Variants in PARS2 observed in about 807,000 individuals in gnomAD.
PARS2 encodes prolyl-tRNA synthetase 2, mitochondrial.
A neutral mutation model predicts 27.4 loss-of-function variants in PARS2; 20 were observed. The ratio of observed to expected loss-of-function variants is 0.73; its 90% CI spans 0.51 to 1.06. PARS2 has a LOEUF of 1.06. Among genes scored for constraint, PARS2 ranks in the 50% least tolerant of loss-of-function variants. The pLI, the probability that PARS2 is intolerant of heterozygous loss-of-function variation, is 0.00. For synonymous variants in PARS2, 240 were observed against 247.1 expected, an observed-to-expected ratio of 0.97 and a Z score of 0.27; for missense variants, 585 against 602.1, an observed-to-expected ratio of 0.97 and a Z score of 0.30.
At chr1:54,759,249 A>T in intron 1 of PARS2, 59 bp from the exon 2 acceptor site, 2 of 1,044,434 alleles carry the variant, frequency 1.9e-6, no homozygotes, top group Non-Finnish European at 2.7e-6. Context: ...ACCATGAAGC[A>T]GCCAACCCAG....
At chr1:54,762,616 C>T (rs542749723) in intron 1 of PARS2, among the ~76,000 whole-genome samples, 6 of 152,356 alleles carry the variant, frequency 3.9e-5, no homozygotes. Context: ...CCACCAATGA[C>T]TAATGTCTTA....
intron 1 of PARS2, among the ~76,000 whole-genome samples, chr1:54,762,939 G>A (rs1288093875): frequency 1.3e-5 from 2 of 152,132 alleles, no homozygotes; most frequent in Non-Finnish European, 2.9e-5. Flanking sequence ...TTAGTCTCCA[G>A]CTAAAAAGAT....
chr1:54,758,852 C>T lies in PARS2; in HGVS notation c.310G>A (p.Val104Met), dbSNP rs770467588. 6 of 1,614,240 alleles carry T rather than the reference C, an allele frequency of 3.7e-6. No individual in the cohort carries two copies. Among genetic ancestry groups the T allele is most frequent in the Non-Finnish European group, 5.1e-6 (6 of 1,180,046 alleles). ...TVRAMEKLVR[V>M]IDQEMQAIGG... ...ATGGCCTGCATCTCCTGGTCTATCA[C>T]TCGCACGAGCTTCTCCATGGCACGG... Residue 104 changes from valine to methionine, a missense_variant, in exon 2 of 2, where the codon GTG (valine) becomes ATG (methionine). By Grantham distance (21) the Val-to-Met change is conservative. Transcript: ENST00000371279.
intron 1 of PARS2, among the ~76,000 whole-genome samples, chr1:54,759,598 T>C (rs1646142575): frequency 6.6e-6 from 1 of 152,320 alleles, no homozygotes; most frequent in African/African-American, 2.4e-5. Context: ...AGGCTTATTG[T>C]GGACACTTAG....
chr1:54,761,780 A>G (rs903792831), intron 1 of PARS2, among the ~76,000 whole-genome samples: 49 of 152,264 alleles, frequency 3.2e-4, no homozygotes, highest in Admixed American at 2.4e-3. Flanking sequence ...AAGCAGCCTC[A>G]TTCATTTCCC....
intron 1 of PARS2, among the ~76,000 whole-genome samples, 177 bp from the exon 2 acceptor site, chr1:54,759,367 C>T (rs181259914): frequency 1.3e-5 from 2 of 152,302 alleles, no homozygotes; most frequent in East Asian, 1.9e-4. Flanking sequence ...CTCTTACTTC[C>T]GTTTTTGAAA....
In PARS2 at chr1:54,757,100, GTTACAGATCTAGTTCCAGACT is replaced by G. The variant is rs1646124005; in HGVS notation, c.*613_*633del. On this transcript the variant is annotated 3_prime_UTR_variant, in exon 2 of 2. Coordinates refer to ENST00000371279, the MANE Select transcript of PARS2 (RefSeq NM_152268.4). ...ACCCCCTAGTGACACCTATAAGGAC[GTTACAGATCTAGTTCCAGACT>G]TTACAGATCTAGTTCTATTTTCTCA... The G allele has an allele frequency of 6.6e-6, 1 of 152,188 alleles. No individual in the cohort carries two copies. The highest frequency in any genetic ancestry group is 1.5e-5 in the Non-Finnish European group (1 of 68,066). 9.4% of individuals were successfully genotyped at this position (152,188 alleles called of 1,614,324 possible).
In PARS2 at chr1:54,758,069, T is replaced by C. The variant is rs1356257236; in HGVS notation, c.1093A>G (p.Ser365Gly). ...LSTEDCVRWP[S>G]LLAPYQACLI... is the part of the protein sequence containing the mutation. Reference sequence around the variant, plus strand: ...CAGGCTTGGTAAGGGGCCAGTAGGCTGGGCCAGCGGACACAGTCTTCTGTA... The same window carrying C: ...CAGGCTTGGTAAGGGGCCAGTAGGCCGGGCCAGCGGACACAGTCTTCTGTA... Residue 365 changes from serine to glycine, a missense_variant, in exon 2 of 2, where the codon AGC becomes GGC. Physicochemically the swap from Ser to Gly is moderately conservative, Grantham distance 56. Transcript: ENST00000371279. 2 of 1,613,744 alleles carry C rather than the reference T, an allele frequency of 1.2e-6. No homozygotes were observed. Among genetic ancestry groups the C allele is most frequent in the Non-Finnish European group, 1.7e-6 (2 of 1,179,872 alleles).
rs1646117858 is a variant in PARS2, at chr1:54,757,048, G to C, written c.*686C>G. 6.6e-6 allele frequency: 1 copy of C among 152,138 alleles called. No individual in the cohort carries two copies. Among genetic ancestry groups the C allele is most frequent in the African/African-American group, 2.4e-5 (1 of 41,422 alleles). 9.4% of individuals were successfully genotyped at this position (152,138 alleles called of 1,614,324 possible). ...AGACTATGGAGAATGAGAGGAATCA[G>C]ACTGCCTGTCACACACCTCTCATGG... On this transcript the variant is annotated 3_prime_UTR_variant, in exon 2 of 2. Transcript: ENST00000371279.
At chr1:54,762,827 T>C (rs925006976) in intron 1 of PARS2, among the ~76,000 whole-genome samples, 1 of 152,102 alleles carries the variant, frequency 6.6e-6, no homozygotes, top group African/African-American at 2.4e-5. Context: ...GCTTCCCAAA[T>C]TGCTGGGATT....
intron 1 of PARS2, among the ~76,000 whole-genome samples, chr1:54,762,792 G>A (rs193111753): frequency 8.4e-4 from 128 of 152,224 alleles, no homozygotes; most frequent in Non-Finnish European, 1.5e-3. Context: ...TTGAACTCCT[G>A]GCCTCATGCG....
At chr1:54,763,976 G>A (rs1646171140) in intron 1 of PARS2, among the ~76,000 whole-genome samples, 2 of 152,202 alleles carry the variant, frequency 1.3e-5, no homozygotes, top group African/African-American at 4.8e-5. Flanking sequence ...TAAGCGCAGG[G>A]TCGGGCCTGG....
At position 54,758,985 on chromosome 1, in the gene PARS2, C is replaced by T. The variant is rs775981640; in HGVS notation, c.177G>A (p.Leu59=). The T allele has an allele frequency of 1.2e-6, 2 of 1,614,152 alleles. No individual in the cohort carries two copies. The highest frequency in any genetic ancestry group is 1.7e-6 in the Non-Finnish European group (2 of 1,180,006). The change falls in exon 2 of 2, where the codon CTG becomes CTA. Residue 59 remains leucine, a synonymous_variant. Coordinates refer to ENST00000371279, the MANE Select transcript of PARS2 (RefSeq NM_152268.4). The part of the protein sequence containing the change: ...QNLREDRVLS[L]QDKSDDLTCK... ...AGGTCAGGTCATCAGATTTGTCCTGCAGGGAGAGCACCCGGTCTTCCCGAA... is the reference window on the plus strand; with the variant it reads ...AGGTCAGGTCATCAGATTTGTCCTGTAGGGAGAGCACCCGGTCTTCCCGAA...
At chr1:54,762,325 G>C (rs1055476751) in intron 1 of PARS2, among the ~76,000 whole-genome samples, 2 of 152,152 alleles carry the variant, frequency 1.3e-5, no homozygotes, top group East Asian at 3.9e-4. Flanking sequence ...TTTTAGTACA[G>C]ACAGAGTTTC....
chr1:54,762,138 T>TG (rs1371279488), intron 1 of PARS2, among the ~76,000 whole-genome samples: 1 of 114,028 alleles, frequency 8.8e-6, no homozygotes, highest in Non-Finnish European at 1.9e-5. Flanking sequence ...GAGGGCTTGT[T>TG]TTTTTTTTTT....
Position 54,757,526 on chromosome 1 carries a change from C to A in PARS2, c.*208G>T. 1.9e-6 allele frequency: 1 copy of A among 526,570 alleles called. No homozygotes were observed. The highest frequency in any genetic ancestry group is 3.4e-6 in the Non-Finnish European group (1 of 298,138). The allele number at this position is 526,570 out of a possible 1,614,324, so 32.6% of individuals were successfully genotyped here. On this transcript the variant is annotated 3_prime_UTR_variant, in exon 2 of 2. Coordinates refer to ENST00000371279, the MANE Select transcript of PARS2 (RefSeq NM_152268.4). The stretch of plus-strand genomic sequence containing the variant: ...AAGGAAAGGTATATGGCGGCATGGC[C>A]AGTCTGGAGAAAGGGATCAAGTTAA...
rs1557763124 is a variant in PARS2 at position 54,759,095 on chromosome 1, CAG to C, written c.65_66del (p.Ser22TrpfsTer42). 1 of 1,613,250 alleles carries C rather than the reference CAG, an allele frequency of 6.2e-7. No homozygotes were observed. The highest frequency in any genetic ancestry group is 1.3e-5 in the African/African-American group (1 of 75,038). ...TGGTGAAACCTGCAAGGAACATACC[CAG>C]AGAGCTGGCGGCTGCAGGTGGCCAG... ...PALATCSRQL[S>X]GYVPCRFHHC... On this transcript the variant is annotated frameshift_variant, in exon 2 of 2. Transcript: ENST00000371279. LOFTEE classifies it high-confidence loss of function.
In PARS2 at chr1:54,758,558, G is replaced by C. The variant is rs141760650; in HGVS notation, c.604C>G (p.Arg202Gly). The change falls in exon 2 of 2, where the codon CGA (arginine) becomes GGA (glycine). Residue 202 changes from arginine (R) to glycine (G), a missense_variant. Coordinates refer to ENST00000371279, the MANE Select transcript of PARS2 (RefSeq NM_152268.4). ...PRPRFGLLRG[R>G]EFYMKDMYTF... ...TACATATCCTTCATGTAAAACTCTC[G>C]GCCACGGAGAAGACCAAAGCGGGGC... The C allele has an allele frequency of 4.3e-6, 7 of 1,614,170 alleles. No homozygotes were observed. Among genetic ancestry groups the C allele is most frequent in the Non-Finnish European group, 5.9e-6 (7 of 1,180,018 alleles).
chr1:54,760,590 T>C (rs1646150190), intron 1 of PARS2, among the ~76,000 whole-genome samples: 1 of 152,170 alleles, frequency 6.6e-6, no homozygotes, highest in African/African-American at 2.4e-5. Context: ...ATCCATTCTC[T>C]ATACTGCAGC....
Sources: allele counts gnomAD v4.1 joint callset (sites outside exome capture counted in the v4.1 genomes callset), GRCh38; gene constraint gnomAD v4.1.1; transcripts MANE v1.5; gene names NCBI Gene and HGNC (gene_info 2026-07-23, HGNC 2026-07-21).